Variants in VWA8 observed in about 807,000 individuals in gnomAD.
VWA8 encodes the protein von Willebrand factor A domain containing 8.
Under a neutral mutation model 241.5 loss-of-function variants are expected in VWA8, and 221 were observed. The ratio of observed to expected loss-of-function variants is 0.91; its 90% CI spans 0.82 to 1.02. The LOEUF (loss-of-function observed/expected upper bound fraction) is 1.02, where lower values mean the gene tolerates loss of function less well. Ranked by LOEUF, VWA8 falls within the 50% of genes least tolerant of loss-of-function variation. The pLI is 0.00. For synonymous variants in VWA8, 852 were observed against 827.1 expected (o/e 1.03, Z -0.52); for missense variants, 2,322 against 2,328.7 (o/e 1.00, Z 0.06).
At chr13:41,862,707 A>G (rs1008376713) in intron 12 of VWA8, among the ~76,000 whole-genome samples, 2 of 152,232 alleles carry the variant, frequency 1.3e-5, no homozygotes, top group Admixed American at 1.3e-4. Flanking sequence ...AGAGAAATGC[A>G]AATCAAAACC....
At chr13:41,649,290 G>T (rs1365629831) in intron 37 of VWA8, among the ~76,000 whole-genome samples, 1 of 152,088 alleles carries the variant, frequency 6.6e-6, no homozygotes, top group Non-Finnish European at 1.5e-5. Context: ...GGAATTATGA[G>T]ATATCAGTTA....
chr13:41,606,021 G>T (rs1192263682), intron 39 of VWA8, among the ~76,000 whole-genome samples: 1 of 152,028 alleles, frequency 6.6e-6, no homozygotes, highest in African/African-American at 2.4e-5. Context: ...CACTTGGAGT[G>T]TCCCTCCCCT....
intron 2 of VWA8, among the ~76,000 whole-genome samples, chr13:41,940,620 T>A (rs1877554624): frequency 6.6e-6 from 1 of 152,204 alleles, no homozygotes; most frequent in South Asian, 2.1e-4. Context: ...CAAAAACATG[T>A]ATTATGCAAG....
intron 2 of VWA8, among the ~76,000 whole-genome samples, chr13:41,937,867 G>A (rs537306880): frequency 1.3e-5 from 2 of 152,220 alleles, no homozygotes; most frequent in South Asian, 4.1e-4. Context: ...AAAATAAAAA[G>A]TAATAAAATG....
intron 3 of VWA8, among the ~76,000 whole-genome samples, chr13:41,908,504 G>A (rs190097376): frequency 7.9e-5 from 12 of 151,650 alleles, no homozygotes; most frequent in Non-Finnish European, 1.6e-4. Flanking sequence ...CCAATAATCA[G>A]GTAAACAGAA....
chr13:41,844,171 G>A lies in VWA8; in HGVS notation c.1426-10640C>T, dbSNP rs537766955. On this transcript the variant is annotated intron_variant, in intron 12 of 44. Transcript: ENST00000379310. ...GCAGGCTTTATTCCTGGGACACAGA[G>A]TTGATTCAACATATGCAAATCAATA... Among the ~76,000 whole-genome samples, 11 of 152,274 alleles carry A rather than the reference G, an allele frequency of 7.2e-5. 1 individual carries two copies. The highest frequency in any genetic ancestry group is 1.9e-4 in the African/African-American group (8 of 41,550).
chr13:41,862,494 C>G (rs1325690211), intron 12 of VWA8, among the ~76,000 whole-genome samples: 1 of 152,232 alleles, frequency 6.6e-6, no homozygotes, highest in South Asian at 2.1e-4. Context: ...GAGCTATCAG[C>G]AAAGTAAGCA....
chr13:41,840,688 G>T (rs762851232), intron 12 of VWA8, among the ~76,000 whole-genome samples: 1 of 151,826 alleles, frequency 6.6e-6, no homozygotes, highest in Non-Finnish European at 1.5e-5. Context: ...GAGGCCAGGA[G>T]GTGGAGGCTG....
rs192047330 is a variant in VWA8 at position 41,679,653 on chromosome 13, G to A, written c.4328-4357C>T. Among the ~76,000 whole-genome samples the A allele has an allele frequency of 5.4e-4, 82 of 152,270 alleles. No individual in the cohort carries two copies. In the East Asian group the frequency reaches 0.011, roughly 21 times the overall value. ...TAAAAGCTACCTCATTATTGTGAAA[G>A]CCACCAGGAGAGTAGTCTTTACAGT... On this transcript the variant is annotated intron_variant, in intron 35 of 44. Coordinates refer to ENST00000379310, the MANE Select transcript of VWA8 (RefSeq NM_015058.2).
At chr13:41,935,844 C>T (rs1172509160) in intron 2 of VWA8, among the ~76,000 whole-genome samples, 1 of 151,736 alleles carries the variant, frequency 6.6e-6, no homozygotes, top group Non-Finnish European at 1.5e-5. Context: ...CTATAACACT[C>T]TCTAGGTACA....
intron 6 of VWA8, 101 bp from the exon 7 acceptor site, chr13:41,886,931 A>C (rs1012980188): frequency 1.3e-5 from 13 of 977,360 alleles, no homozygotes; most frequent in South Asian, 3.5e-5. Flanking sequence ...TTAAGCAGAC[A>C]CTAAATATTT....
intron 1 of VWA8, among the ~76,000 whole-genome samples, chr13:41,958,025 T>C (rs1479272573): frequency 6.6e-6 from 1 of 152,234 alleles, no homozygotes; most frequent in African/African-American, 2.4e-5. Flanking sequence ...GTAGATATCC[T>C]TGTTAACCTC....
intron 35 of VWA8, 111 bp from the exon 36 acceptor site, chr13:41,675,407 C>G: frequency 1.4e-6 from 1 of 698,888 alleles, no homozygotes; most frequent in East Asian, 2.8e-5. Flanking sequence ...CTGGGATCTA[C>G]TTGACAAGGT....
At position 41,887,370 on chromosome 13, in the gene VWA8, G is replaced by T; in HGVS notation, c.652-9C>A. On this transcript the variant is annotated splice_polypyrimidine_tract_variant and intron_variant, in intron 5 of 44. Coordinates refer to ENST00000379310, the MANE Select transcript of VWA8 (RefSeq NM_015058.2). ...TCTTTTTTGGTATGATCCTATAAAA[G>T]TAAGAGATCCGGAAGCTATAGCATA... is the stretch of plus-strand genomic sequence containing the variant. 1.9e-6 allele frequency: 3 copies of T among 1,605,390 alleles called. No individual in the cohort carries two copies. Among genetic ancestry groups the T allele is most frequent in the Non-Finnish European group, 2.5e-6 (3 of 1,177,408 alleles).
At chr13:41,854,875 G>A (rs1872674003) in intron 12 of VWA8, among the ~76,000 whole-genome samples, 1 of 152,172 alleles carries the variant, frequency 6.6e-6, no homozygotes. Context: ...CAGGCTCTGA[G>A]GGGTGGTTCA....
rs1044932808 is a variant in VWA8, at chr13:41,959,503, A to G, written c.163+1350T>C. On this transcript the variant is annotated intron_variant, in intron 1 of 44. Coordinates refer to ENST00000379310, the MANE Select transcript of VWA8 (RefSeq NM_015058.2). ...GTAATTGAGAAAAAGCAAAAAAAAAAAAAAAAACAAAAAGTAAAATTTGAA... is the reference window on the plus strand; with the variant it reads ...GTAATTGAGAAAAAGCAAAAAAAAAGAAAAAAACAAAAAGTAAAATTTGAA... Among the ~76,000 whole-genome samples, 3 of 150,978 alleles carry G rather than the reference A, an allele frequency of 2.0e-5. No homozygotes were observed. In the East Asian group the frequency reaches 5.8e-4, roughly 29 times the overall value.
chr13:41,896,861 T>G (rs910467733), intron 4 of VWA8, among the ~76,000 whole-genome samples: 6 of 152,190 alleles, frequency 3.9e-5, no homozygotes, highest in African/African-American at 1.4e-4. Flanking sequence ...TATAAAAATG[T>G]AAATGGCTAT....
intron 17 of VWA8, among the ~76,000 whole-genome samples, chr13:41,802,886 T>C (rs1246276069): frequency 6.6e-6 from 1 of 152,240 alleles, no homozygotes; most frequent in Non-Finnish European, 1.5e-5. Flanking sequence ...CCCTGTATTG[T>C]GCTGGTTTCA....
rs1239166610 is a variant in VWA8 at position 41,573,610 on chromosome 13, C to CATATATATATATAT, written c.5370+2129_5370+2130insATATATATATATAT. Among the ~76,000 whole-genome samples the CATATATATATATAT allele has an allele frequency of 1.7e-3, 237 of 140,176 alleles. 7 individuals are homozygous for CATATATATATATAT. The highest frequency in any genetic ancestry group is 6.2e-3 in the African/African-American group (223 of 35,696). 92.0% of individuals were successfully genotyped at this position (140,176 alleles called of 152,430 possible). A position where few individuals can be genotyped will look rare whatever the true frequency, so the allele number is the denominator to read the frequency against. ...ATATATATACACCTCTATATATACG[C>CATATATATATATAT]ATATATATGGTGTGTGTGTGTGTGA... On this transcript the variant is annotated intron_variant, in intron 43 of 44. Coordinates refer to ENST00000379310, the MANE Select transcript of VWA8 (RefSeq NM_015058.2).
Sources: gnomAD v4.1 joint callset for allele counts (sites outside exome capture counted in the v4.1 genomes callset) on GRCh38, gnomAD v4.1.1 for gene constraint, MANE v1.5 for transcripts, NCBI Gene and HGNC (gene_info 2026-07-23, HGNC 2026-07-21) for gene names.